MAP2: variants seen among roughly 807,000 people sequenced by gnomAD.
MAP2 encodes the protein microtubule-associated protein 2.
In MAP2, 14 loss-of-function variants were observed where a neutral mutation model predicts 137.6. The observed-to-expected ratio is 0.10, with a 90% CI of 0.07 to 0.16. The LOEUF is 0.16. MAP2 is among the 10% of genes least tolerant of loss of function. The probability of loss-of-function intolerance (pLI) is 1.00; values close to 1 mark genes in which losing one functional copy is unlikely to be tolerated. For missense variants in MAP2, 2,088 were observed against 2,191.5 expected (o/e 0.95, Z 0.94); for synonymous variants, 786 against 782.3 (o/e 1.00, Z -0.08).
intron 4 of MAP2, among the ~76,000 whole-genome samples, chr2:209,633,469 A>G (rs919204653): frequency 6.6e-6 from 1 of 152,200 alleles, no homozygotes; most frequent in Non-Finnish European, 1.5e-5. Context: ...TTTAAACAAA[A>G]CAATACTTAA....
intron 4 of MAP2, among the ~76,000 whole-genome samples, chr2:209,648,846 T>C (rs563809859): frequency 9.2e-5 from 14 of 151,928 alleles, no homozygotes; most frequent in Admixed American, 4.6e-4. Flanking sequence ...GCTTGCTCTA[T>C]CAAAGCTGGG....
At chr2:209,440,299 A>G (rs1697436900) in intron 1 of MAP2, among the ~76,000 whole-genome samples, 1 of 151,586 alleles carries the variant, frequency 6.6e-6, no homozygotes, top group South Asian at 2.1e-4. Flanking sequence ...ATTTCATCCT[A>G]TACCAAAAAG....
chr2:209,441,403 T>C lies in MAP2; in HGVS notation c.-222+17127T>C, dbSNP rs1244860678. Among the ~76,000 whole-genome samples, 3 of 151,616 alleles carry C rather than the reference T, an allele frequency of 2.0e-5. No individual in the cohort carries two copies. The East Asian group carries it at 5.8e-4, about 29-fold the overall frequency. On this transcript the variant is annotated intron_variant, in intron 1 of 15. Coordinates refer to ENST00000682079, the MANE Select transcript of MAP2 (RefSeq NM_001375505.1). ...TAAATTTTTTGTTATATACAGATGA[T>C]CTACCAATGTCTATTTAAATTCTCT... is the stretch of plus-strand genomic sequence containing the variant.
chr2:209,560,297 C>T (rs2071707689), intron 2 of MAP2, among the ~76,000 whole-genome samples: 1 of 152,132 alleles, frequency 6.6e-6, no homozygotes, highest in Admixed American at 6.5e-5. Context: ...AATGATAAAA[C>T]ATACATTTGT....
At chr2:209,435,957 A>ATATATTATATATAATATATACT (rs1695911261) in intron 1 of MAP2, among the ~76,000 whole-genome samples, 3 of 129,570 alleles carry the variant, frequency 2.3e-5, no homozygotes, top group African/African-American at 8.2e-5. Flanking sequence ...CTATATATAC[A>ATATATTATATATAATATATACT]GTATATATTA....
chr2:209,640,498 T>C (rs1180840215), intron 4 of MAP2, among the ~76,000 whole-genome samples: 4 of 151,982 alleles, frequency 2.6e-5, no homozygotes, highest in African/African-American at 9.7e-5. Flanking sequence ...CATTCAGGTT[T>C]TGCTTGCTTG....
Position 209,710,168 on chromosome 2 carries a change from A to G in MAP2, c.4987A>G (p.Ile1663Val). The G allele has an allele frequency of 6.2e-7, 1 of 1,613,914 alleles. No individual in the cohort carries two copies. The highest frequency in any genetic ancestry group is 1.7e-5 in the Admixed American group (1 of 59,984). The change falls in exon 13 of 16, where the codon ATT (isoleucine) becomes GTT (valine). Residue 1663 changes from isoleucine (I) to valine (V), a missense_variant. Ile to Val is a conservative substitution (Grantham distance 29). This residue lies in a region of MAP2 where 591 missense variants were observed against 642.6 expected (regional missense o/e 0.92). Coordinates refer to ENST00000682079, the MANE Select transcript of MAP2 (RefSeq NM_001375505.1). ...TGCGACTCCCAAGCAGCTTCGGCTT[A>G]TTAACCAACCACTGCCAGACCTGAA... Reference protein sequence around the residue: ...SPATPKQLRLINQPLPDLKNV... With the variant: ...SPATPKQLRLVNQPLPDLKNV...
chr2:209,552,205 A>G (rs1250125065), intron 2 of MAP2, among the ~76,000 whole-genome samples: 1 of 152,216 alleles, frequency 6.6e-6, no homozygotes, highest in Non-Finnish European at 1.5e-5. Context: ...AGAATTAATT[A>G]TAGAAAGACT....
chr2:209,524,039 T>C (rs1016194860), intron 2 of MAP2, among the ~76,000 whole-genome samples: 1 of 148,268 alleles, frequency 6.7e-6, no homozygotes, highest in Non-Finnish European at 1.5e-5. Context: ...TTATTTGAGC[T>C]TTTTTTTTTA....
intron 7 of MAP2, chr2:209,690,656 C>G: frequency 7.8e-7 from 1 of 1,289,596 alleles, no homozygotes; most frequent in African/African-American, 1.5e-5. Context: ...TGCTGCTCTT[C>G]CTGAGAAAGA....
chr2:209,527,690 C>T (rs1027256844), intron 2 of MAP2, among the ~76,000 whole-genome samples: 2 of 152,138 alleles, frequency 1.3e-5, no homozygotes, highest in African/African-American at 2.4e-5. Context: ...TATGCCCTTC[C>T]TTCATGAAGG....
In MAP2 at chr2:209,585,295, A is replaced by C. The variant is rs551846881; in HGVS notation, c.-107+5195A>C. ...AAGAAAGAAGAGGACAGGGAAGGTT[A>C]TAGAAAACAAAGTTAAAACTCAAAT... On this transcript the variant is annotated intron_variant, in intron 3 of 15. Transcript: ENST00000682079. 2.0e-5 allele frequency among the ~76,000 whole-genome samples: 3 copies of C among 152,186 alleles called. No homozygotes were observed. In the South Asian group the frequency reaches 6.2e-4, roughly 32 times the overall value.
chr2:209,601,599 T>C (rs954073295), intron 3 of MAP2, among the ~76,000 whole-genome samples: 1 of 152,194 alleles, frequency 6.6e-6, no homozygotes, highest in Non-Finnish European at 1.5e-5. Flanking sequence ...TGGGTGTTTT[T>C]ATTTCTTTAG....
chr2:209,559,380 T>C (rs1378469046), intron 2 of MAP2, among the ~76,000 whole-genome samples: 1 of 147,160 alleles, frequency 6.8e-6, no homozygotes, highest in Non-Finnish European at 1.5e-5. Context: ...ACACCTGTAA[T>C]CCCAGCACTT....
At chr2:209,543,529 G>A (rs533171030) in intron 2 of MAP2, among the ~76,000 whole-genome samples, 18 of 152,180 alleles carry the variant, frequency 1.2e-4, no homozygotes, top group African/African-American at 4.3e-4. Flanking sequence ...AATAAAATGA[G>A]GCATACTCAG....
Position 209,703,749 on chromosome 2 carries a change from TA to T in MAP2, c.4585-1830del, listed in dbSNP as rs371661264. ...AGCTAATTCCTTCATATCTAAGCAA[TA>T]TTACTCTTTCTTCTGTCCTTCTATC... On this transcript the variant is annotated intron_variant, in intron 11 of 15. Transcript: ENST00000682079. Among the ~76,000 whole-genome samples the T allele has an allele frequency of 6.5e-3, 997 of 152,234 alleles. 12 individuals are homozygous for T. Among genetic ancestry groups the T allele is most frequent in the African/African-American group, 0.023 (939 of 41,562 alleles).
At chr2:209,550,467 T>A (rs905870221) in intron 2 of MAP2, among the ~76,000 whole-genome samples, 2 of 152,174 alleles carry the variant, frequency 1.3e-5, no homozygotes, top group Non-Finnish European at 2.9e-5. Flanking sequence ...AATAGGACTT[T>A]ATTGCATATT....
rs565288281 is a variant in MAP2 at position 209,642,830 on chromosome 2, T to A, written c.-29-10312T>A. On this transcript the variant is annotated intron_variant, in intron 4 of 15. Coordinates refer to ENST00000682079, the MANE Select transcript of MAP2 (RefSeq NM_001375505.1). The stretch of plus-strand genomic sequence containing the variant: ...GAGTTGCAGGCAGCTTATTAACAAA[T>A]GTTTAAGCTTAGAACTTCTCAGCAT... 2.0e-5 allele frequency among the ~76,000 whole-genome samples: 3 copies of A among 152,322 alleles called. No homozygotes were observed. In the East Asian group the frequency reaches 5.8e-4, roughly 29 times the overall value.
intron 3 of MAP2, among the ~76,000 whole-genome samples, chr2:209,605,364 C>T (rs557761488): frequency 8.6e-4 from 131 of 152,144 alleles, no homozygotes; most frequent in African/African-American, 2.4e-3. Context: ...GTAAATCTTC[C>T]TCAAACACAG....
Sources: allele counts gnomAD v4.1 joint callset (sites outside exome capture counted in the v4.1 genomes callset), GRCh38; gene constraint gnomAD v4.1.1; regional missense constraint gnomAD v4.1.1; transcripts MANE v1.5; gene names NCBI Gene and HGNC (gene_info 2026-07-23, HGNC 2026-07-21).